The following WDR45B variants were observed in gnomAD, a reference collection of about 807,000 sequenced individuals.
WDR45B encodes the protein WD repeat domain 45B, also known as WD repeat domain phosphoinositide-interacting protein 3.
Under a neutral mutation model 44.6 loss-of-function variants are expected in WDR45B, and 20 were observed. The ratio of observed to expected loss-of-function variants is 0.45; its 90% CI spans 0.32 to 0.65. The LOEUF (loss-of-function observed/expected upper bound fraction) is 0.65, where lower values mean the gene tolerates loss of function less well. Ranked by LOEUF, WDR45B falls within the 30% of genes least tolerant of loss-of-function variation. The probability of loss-of-function intolerance (pLI) is 0.05; values close to 1 mark genes in which losing one functional copy is unlikely to be tolerated. For synonymous variants in WDR45B, 169 were observed against 164.9 expected (o/e 1.02, Z -0.19); for missense variants, 323 against 430.2 (o/e 0.75, Z 2.20).
chr17:82,636,260 C>CAA (rs71168123), intron 2 of WDR45B, among the ~76,000 whole-genome samples: 4,241 of 104,454 alleles, frequency 0.041, 228 homozygotes, highest in African/African-American at 0.11. Context: ...GACTCCGTCT[C>CAA]AAAAAAAAAA....
chr17:82,628,164 T>C (rs1375292439), intron 3 of WDR45B, among the ~76,000 whole-genome samples: 1 of 152,144 alleles, frequency 6.6e-6, no homozygotes, highest in Non-Finnish European at 1.5e-5. Flanking sequence ...AGCTAAGTTT[T>C]GTATTTTTGG....
At chr17:82,627,404 G>A (rs1272944603) in intron 3 of WDR45B, 113 bp from the exon 4 acceptor site, 5 of 884,832 alleles carry the variant, frequency 5.7e-6, no homozygotes, top group African/African-American at 4.9e-5. Flanking sequence ...GCACAGCTGC[G>A]CCCACCCTCA....
rs191407782 is a variant in WDR45B at position 82,643,491 on chromosome 17, G to A, written c.142+458C>T. The stretch of plus-strand genomic sequence containing the variant: ...GAGGCTGAGAAATTTGCCCAAGGTC[G>A]CACAGCAACCTGGTAAAGGGCAGAA... On this transcript the variant is annotated intron_variant, in intron 2 of 9. Coordinates refer to ENST00000392325, the MANE Select transcript of WDR45B (RefSeq NM_019613.4). Among the ~76,000 whole-genome samples, 109 of 151,840 alleles carry A rather than the reference G, an allele frequency of 7.2e-4. 1 individual carries two copies. The highest frequency in any genetic ancestry group is 2.5e-3 in the African/African-American group (104 of 41,422).
rs911217893 is a variant in WDR45B at position 82,637,010 on chromosome 17, C to T, written c.143-5988G>A. On this transcript the variant is annotated intron_variant, in intron 2 of 9. Coordinates refer to ENST00000392325, the MANE Select transcript of WDR45B (RefSeq NM_019613.4). ...GGACTGCGTTCAGGATAAAAACCCC[C>T]GGTCTCCTTTGTTCTCTGTGCTCTT... Among the ~76,000 whole-genome samples, 58 of 151,996 alleles carry T rather than the reference C, an allele frequency of 3.8e-4. 1 individual carries two copies. The highest frequency in any genetic ancestry group is 1.1e-3 in the African/African-American group (44 of 41,262).
chr17:82,617,506 G>A, intron 7 of WDR45B, 109 bp from the exon 8 acceptor site: 1 of 1,079,052 alleles, frequency 9.3e-7, no homozygotes, highest in Non-Finnish European at 1.4e-6. Flanking sequence ...TTCCCACTCT[G>A]GAGGTGCCAA....
chr17:82,639,743 T>G (rs2045884907), intron 2 of WDR45B, among the ~76,000 whole-genome samples: 1 of 142,634 alleles, frequency 7.0e-6, no homozygotes, highest in Admixed American at 7.0e-5. Context: ...GGTAGGCTGC[T>G]GGGCTGTGTG....
chr17:82,647,505 G>A (rs1198823889), intron 1 of WDR45B, among the ~76,000 whole-genome samples: 2 of 152,232 alleles, frequency 1.3e-5, no homozygotes, highest in African/African-American at 4.8e-5. Context: ...CGAAGCACCT[G>A]CGGGGAAGGA....
At chr17:82,631,881 G>A (rs911654021) in intron 2 of WDR45B, among the ~76,000 whole-genome samples, 4 of 151,906 alleles carry the variant, frequency 2.6e-5, no homozygotes, top group Admixed American at 2.6e-4. Context: ...TCAAGAGACT[G>A]AGACCATCTG....
intron 3 of WDR45B, chr17:82,629,652 G>T (rs181164955): frequency 4.1e-6 from 4 of 985,220 alleles, no homozygotes; most frequent in Non-Finnish European, 4.8e-6. Context: ...AAAAATAAAT[G>T]TATCAGGCAG....
chr17:82,625,361 A>G (rs761148565), intron 5 of WDR45B, 28 bp downstream of exon 5: 46 of 1,609,728 alleles, frequency 2.9e-5, no homozygotes, highest in Non-Finnish European at 3.8e-5. Context: ...CCCATTTCCC[A>G]TCGCCACCCG....
In WDR45B at chr17:82,625,430, G is replaced by A; in HGVS notation, c.386C>T (p.Pro129Leu). Residue 129 changes from proline (P) to leucine (L), a missense_variant, in exon 5 of 10, where the codon CCC becomes CTC. By Grantham distance (98) the Pro-to-Leu change is moderately conservative. Transcript: ENST00000392325. The stretch of plus-strand genomic sequence containing the variant: ...GGTTTCGAAGACGTGCAACTGATGG[G>A]GATTGTGTGTGAATGTGAACACCTT... ...MIKVFTFTHN[P>L]HQLHVFETCY... 1 of 1,614,142 alleles carries A rather than the reference G, an allele frequency of 6.2e-7. No homozygotes were observed. Among genetic ancestry groups the A allele is most frequent in the Non-Finnish European group, 8.5e-7 (1 of 1,180,022 alleles).
chr17:82,647,512 AGGAG>A (rs1458720070), intron 1 of WDR45B, among the ~76,000 whole-genome samples: 1 of 152,190 alleles, frequency 6.6e-6, no homozygotes, highest in African/African-American at 2.4e-5. Flanking sequence ...CCTGCGGGGA[AGGAG>A]GTCACCTTCC....
In WDR45B at chr17:82,617,352, G is replaced by A; in HGVS notation, c.750C>T (p.Asp250=). The change falls in exon 8 of 10, where the codon GAC becomes GAT. Residue 250 remains aspartate (D), a synonymous_variant. Transcript: ENST00000392325. ...CTGCAAAAATATGCACTGTGCCGTG[G>A]TCGCTGGATACGCAGATGAGGGACG... ...QDASLICVSS[D]HGTVHIFAAE... 1.9e-6 allele frequency: 3 copies of A among 1,614,106 alleles called. No homozygotes were observed. The highest frequency in any genetic ancestry group is 2.5e-6 in the Non-Finnish European group (3 of 1,180,016).
chr17:82,631,170 T>A (rs572677019), intron 2 of WDR45B, 148 bp from the exon 3 acceptor site: 1 of 729,604 alleles, frequency 1.4e-6, no homozygotes, highest in African/African-American at 1.8e-5. Context: ...CAGGCTGGAA[T>A]GCAGTAGCTA....
chr17:82,642,095 C>T (rs562115410), intron 2 of WDR45B, among the ~76,000 whole-genome samples: 1 of 152,264 alleles, frequency 6.6e-6, no homozygotes, highest in South Asian at 2.1e-4. Context: ...CCTGTCCCCC[C>T]ACACCTTGTT....
intron 2 of WDR45B, among the ~76,000 whole-genome samples, chr17:82,637,267 G>C (rs953251765): frequency 6.6e-6 from 1 of 151,964 alleles, no homozygotes; most frequent in South Asian, 2.1e-4. Context: ...AACTAAAATT[G>C]CAGCAATAGG....
chr17:82,642,830 CTAA>C (rs199813171), intron 2 of WDR45B, among the ~76,000 whole-genome samples: 1,707 of 152,272 alleles, frequency 0.011, 9 homozygotes, highest in Middle Eastern at 0.027. Context: ...CACACAGCTG[CTAA>C]TGATTCAACT....
In WDR45B at chr17:82,648,380, G is replaced by A. The variant is rs770494664; in HGVS notation, c.-40C>T. 16 of 1,595,198 alleles carry A rather than the reference G, an allele frequency of 1.0e-5. No individual in the cohort carries two copies. The highest frequency in any genetic ancestry group is 1.3e-5 in the Non-Finnish European group (15 of 1,172,926). On this transcript the variant is annotated 5_prime_UTR_variant, in exon 1 of 10. Transcript: ENST00000392325. ...GGGTCGCCGCTCCTCAGCGCTGCAT[G>A]CCTCTCGCTGGGGACGGCGGCCTGG...
chr17:82,635,803 G>A (rs865867131), intron 2 of WDR45B, among the ~76,000 whole-genome samples: 1 of 151,938 alleles, frequency 6.6e-6, no homozygotes, highest in South Asian at 2.1e-4. Flanking sequence ...AGAAATGTTG[G>A]CTGGGTGCAG....
Sources: gnomAD v4.1 joint callset for allele counts (sites outside exome capture counted in the v4.1 genomes callset) on GRCh38, gnomAD v4.1.1 for gene constraint, MANE v1.5 for transcripts, NCBI Gene and HGNC (gene_info 2026-07-23, HGNC 2026-07-21) for gene names.